ARHGEF33: variants seen among roughly 807,000 people sequenced by gnomAD.
The protein encoded by ARHGEF33 is Rho guanine nucleotide exchange factor 33.
In ARHGEF33, 72 loss-of-function variants were observed where a neutral mutation model predicts 101.9. That is an observed-to-expected ratio of 0.71 (90% CI 0.58 to 0.86). ARHGEF33 has a LOEUF of 0.86. Ranked by LOEUF, ARHGEF33 falls within the 40% of genes least tolerant of loss-of-function variation. The pLI is 0.00. For missense variants in ARHGEF33, 1,169 were observed against 1,111.3 expected, an observed-to-expected ratio of 1.05 and a Z score of -0.74; for synonymous variants, 499 against 442.5, an observed-to-expected ratio of 1.13 and a Z score of -1.60.
At chr2:38,933,995 C>G in intron 7 of ARHGEF33, among the ~76,000 whole-genome samples, 1 of 152,200 alleles carries the variant, frequency 6.6e-6, no homozygotes, top group Non-Finnish European at 1.5e-5. Flanking sequence ...CCTTTCCCCA[C>G]TCAAGAAACT....
chr2:38,970,333 T>C (rs564553499), intron 17 of ARHGEF33, among the ~76,000 whole-genome samples: 2 of 152,340 alleles, frequency 1.3e-5, no homozygotes, highest in South Asian at 4.1e-4. Context: ...AGTTTTTGTA[T>C]ATGCCCAGCT....
Position 38,903,239 on chromosome 2 carries a change from TA to T in ARHGEF33, c.-86+7398del, listed in dbSNP as rs201607538. Among the ~76,000 whole-genome samples, 1,281 of 152,104 alleles carry T rather than the reference TA, an allele frequency of 8.4e-3. 26 individuals are homozygous for T. Among genetic ancestry groups the T allele is most frequent in the East Asian group, 0.068 (354 of 5,182 alleles). Reference sequence around the variant, plus strand: ...TACCAATGGACAATTAATAGTACATTAAAAAAAACTATGATAACTGAATTTA... The same window carrying T: ...TACCAATGGACAATTAATAGTACATTAAAAAAACTATGATAACTGAATTTA... On this transcript the variant is annotated intron_variant, in intron 2 of 17. Coordinates refer to ENST00000409978, the MANE Select transcript of ARHGEF33 (RefSeq NM_001145451.5).
At chr2:38,965,097 A>G (rs559298237) in intron 16 of ARHGEF33, among the ~76,000 whole-genome samples, 217 of 152,018 alleles carry the variant, frequency 1.4e-3, no homozygotes, top group African/African-American at 4.7e-3. Flanking sequence ...GTCAGCAAGC[A>G]GTCACCTATC....
At position 38,946,857 on chromosome 2, in the gene ARHGEF33, C is replaced by T. The variant is rs190414388; in HGVS notation, c.920+2827C>T. 7.2e-5 allele frequency among the ~76,000 whole-genome samples: 11 copies of T among 152,252 alleles called. No individual in the cohort carries two copies. The East Asian group carries it at 2.1e-3, about 29-fold the overall frequency. On this transcript the variant is annotated intron_variant, in intron 10 of 17. Transcript: ENST00000409978. ...GTCAGGCTGGTCTCGAACTCCTGAC[C>T]TCAAGTGATCTATCCACCTCAGCCT...
In ARHGEF33 at chr2:38,959,943, C is replaced by A; in HGVS notation, c.1638C>A (p.His546Gln). 2 of 1,551,566 alleles carry A rather than the reference C, an allele frequency of 1.3e-6. No individual in the cohort carries two copies. The highest frequency in any genetic ancestry group is 1.7e-6 in the Non-Finnish European group (2 of 1,146,910). Residue 546 changes from histidine (H) to glutamine (Q), a missense_variant, in exon 16 of 18, where the codon CAC (histidine) becomes CAA (glutamine). Coordinates refer to ENST00000409978, the MANE Select transcript of ARHGEF33 (RefSeq NM_001145451.5). ...PSDWELEGRK[H>Q]ERPESLLAPT... is the part of the protein sequence containing the mutation. ...ACTGGGAGCTGGAGGGCAGGAAGCA[C>A]GAGCGGCCCGAGAGCCTTCTGGCAC...
chr2:38,935,048 T>TA (rs35050000), intron 7 of ARHGEF33, among the ~76,000 whole-genome samples: 40,118 of 136,462 alleles, frequency 0.29, 5,743 homozygotes, highest in Admixed American at 0.32. Context: ...TAGGTGCAGT[T>TA]AAAAAAAAAA....
chr2:38,945,068 T>C (rs1466214867), intron 10 of ARHGEF33, among the ~76,000 whole-genome samples: 1 of 152,218 alleles, frequency 6.6e-6, no homozygotes, highest in Non-Finnish European at 1.5e-5. Context: ...GTAATGAATA[T>C]ATAATAATCC....
At chr2:38,928,734 TAG>T in intron 4 of ARHGEF33, 171 bp from the exon 5 acceptor site, 1 of 496,604 alleles carries the variant, frequency 2.0e-6, no homozygotes, top group Non-Finnish European at 3.6e-6. Flanking sequence ...CTCTTTTTCT[TAG>T]ATAAATGGGG....
chr2:38,930,140 G>T (rs577851534), intron 6 of ARHGEF33, among the ~76,000 whole-genome samples: 2 of 152,154 alleles, frequency 1.3e-5, no homozygotes, highest in Non-Finnish European at 2.9e-5. Flanking sequence ...AATAATGATA[G>T]TTGTGTTAAG....
chr2:38,943,014 G>A (rs1428875137), intron 9 of ARHGEF33, among the ~76,000 whole-genome samples: 2 of 152,088 alleles, frequency 1.3e-5, no homozygotes, highest in South Asian at 2.1e-4. Context: ...TGCAACCTCC[G>A]CCTCCTGGGT....
rs1195494906 is a variant in ARHGEF33, at chr2:38,974,051, G to T, written c.*208G>T. ...AAGATTAGTTTCTGGTTAAGATCTG[G>T]CTTTTTGAACCTCAACACTGGGGAA... On this transcript the variant is annotated 3_prime_UTR_variant, in exon 18 of 18. Transcript: ENST00000409978. The T allele has an allele frequency of 1.3e-5, 3 of 232,856 alleles. No individual in the cohort carries two copies. Among genetic ancestry groups the T allele is most frequent in the Non-Finnish European group, 1.5e-5 (2 of 136,630 alleles). 14.4% of individuals were successfully genotyped at this position (232,856 alleles called of 1,614,324 possible).
chr2:38,969,152 A>G (rs1668115531), intron 17 of ARHGEF33, among the ~76,000 whole-genome samples: 1 of 152,186 alleles, frequency 6.6e-6, no homozygotes, highest in Non-Finnish European at 1.5e-5. Context: ...GGACAGGTAT[A>G]GGAAGGAACC....
intron 15 of ARHGEF33, 172 bp from the exon 16 acceptor site, chr2:38,959,669 T>C (rs908568507): frequency 1.4e-6 from 1 of 692,366 alleles, no homozygotes; most frequent in Non-Finnish European, 2.4e-6. Context: ...CCTTGTCCAC[T>C]CTCCGCCTGG....
intron 7 of ARHGEF33, among the ~76,000 whole-genome samples, chr2:38,933,730 T>C (rs1015000774): frequency 6.6e-6 from 1 of 152,202 alleles, no homozygotes; most frequent in Non-Finnish European, 1.5e-5. Flanking sequence ...TCTGTCATAT[T>C]CTATTCATTA....
chr2:38,920,090 A>G (rs982272147), intron 3 of ARHGEF33, among the ~76,000 whole-genome samples: 3 of 152,206 alleles, frequency 2.0e-5, no homozygotes, highest in Non-Finnish European at 4.4e-5. Context: ...ATTCTGGGCT[A>G]AGGTTATGTA....
At chr2:38,924,322 T>C (rs1666822297) in intron 4 of ARHGEF33, among the ~76,000 whole-genome samples, 1 of 152,244 alleles carries the variant, frequency 6.6e-6, no homozygotes. Context: ...ATTTCCTTTT[T>C]CTCTTATCCT....
chr2:38,943,212 G>T (rs1432526567), intron 9 of ARHGEF33, among the ~76,000 whole-genome samples: 2 of 152,348 alleles, frequency 1.3e-5, no homozygotes, highest in South Asian at 4.1e-4. Flanking sequence ...ACAGGCATGA[G>T]CCACCATGTC....
At chr2:38,958,508 G>A (rs1472716861) in intron 15 of ARHGEF33, among the ~76,000 whole-genome samples, 1 of 152,172 alleles carries the variant, frequency 6.6e-6, no homozygotes, top group Non-Finnish European at 1.5e-5. Context: ...AACCCCTAGA[G>A]ATTATACCCA....
At chr2:38,963,385 G>C (rs1667988814) in intron 16 of ARHGEF33, among the ~76,000 whole-genome samples, 1 of 152,196 alleles carries the variant, frequency 6.6e-6, no homozygotes, top group Admixed American at 6.5e-5. Context: ...AGTCAAGAAA[G>C]AAGATGGTAT....
Sources: gnomAD v4.1 joint callset for allele counts (sites outside exome capture counted in the v4.1 genomes callset) on GRCh38, gnomAD v4.1.1 for gene constraint, MANE v1.5 for transcripts, NCBI Gene and HGNC (gene_info 2026-07-23, HGNC 2026-07-21) for gene names.